Variants in PTCHD4 observed in about 807,000 individuals in gnomAD.
The protein encoded by PTCHD4 is patched domain-containing protein 4.
A neutral mutation model predicts 58.1 loss-of-function variants in PTCHD4; 33 were observed. The observed-to-expected ratio is 0.57, with a 90% CI of 0.43 to 0.76. The LOEUF is 0.76. PTCHD4 is among the 30% of genes least tolerant of loss of function. The pLI is 0.00. For synonymous variants in PTCHD4, 478 were observed against 409.6 expected (o/e 1.17, Z -2.02); for missense variants, 1,058 against 1,027.1 (o/e 1.03, Z -0.41).
At chr6:48,097,201 T>TA (rs1380886995) in intron 1 of PTCHD4, among the ~76,000 whole-genome samples, 1 of 152,092 alleles carries the variant, frequency 6.6e-6, no homozygotes, top group Non-Finnish European at 1.5e-5. Context: ...AAGCATAATT[T>TA]AAAAAATAAT....
In PTCHD4 at chr6:47,864,614, A is replaced by G. The variant is rs1763509761; in HGVS notation, c.*13689T>C. On this transcript the variant is annotated 3_prime_UTR_variant, in exon 5 of 5. Coordinates refer to ENST00000339488, the MANE Select transcript of PTCHD4 (RefSeq NM_001384253.1). The stretch of plus-strand genomic sequence containing the variant: ...CCCCATTGCATGGCACTGTGGCTCC[A>G]AGTTCCAACTCTTTTACATTTTCTC... Among the ~76,000 whole-genome samples the G allele has an allele frequency of 6.6e-6, 1 of 151,904 alleles. No homozygotes were observed.
chr6:48,082,552 A>G (rs1765186008), intron 1 of PTCHD4, among the ~76,000 whole-genome samples: 1 of 152,212 alleles, frequency 6.6e-6, no homozygotes, highest in Admixed American at 6.5e-5. Context: ...GTGATTAAAA[A>G]TAAGACTCTT....
chr6:48,047,672 G>A (rs1764084532), intron 3 of PTCHD4, among the ~76,000 whole-genome samples: 1 of 151,728 alleles, frequency 6.6e-6, no homozygotes, highest in African/African-American at 2.4e-5. Context: ...TAGGTAATCT[G>A]GGTGGAGTCC....
intron 3 of PTCHD4, among the ~76,000 whole-genome samples, chr6:48,036,138 G>T (rs551825099): frequency 6.6e-6 from 1 of 151,964 alleles, no homozygotes; most frequent in African/African-American, 2.4e-5. Flanking sequence ...CCAGGAAAAT[G>T]GCAAAAAGTT....
chr6:47,890,681 A>G (rs1215614456), intron 4 of PTCHD4, among the ~76,000 whole-genome samples: 1 of 152,012 alleles, frequency 6.6e-6, no homozygotes, highest in Admixed American at 6.6e-5. Flanking sequence ...TTGGTTACTG[A>G]TGTCTTTACT....
At chr6:48,030,375 C>A (rs1199457660) in intron 3 of PTCHD4, among the ~76,000 whole-genome samples, 1 of 152,030 alleles carries the variant, frequency 6.6e-6, no homozygotes, top group African/African-American at 2.4e-5. Context: ...TTGTTATTTA[C>A]CTGTAAACAG....
At chr6:47,921,097 ATAT>A (rs1765418583) in intron 4 of PTCHD4, among the ~76,000 whole-genome samples, 3 of 152,184 alleles carry the variant, frequency 2.0e-5, no homozygotes, top group South Asian at 4.1e-4. Flanking sequence ...TTTAAAGAAA[ATAT>A]TATTGTCACT....
intron 4 of PTCHD4, among the ~76,000 whole-genome samples, chr6:47,886,812 T>A (rs564373335): frequency 6.6e-6 from 1 of 152,322 alleles, no homozygotes; most frequent in Admixed American, 6.5e-5. Context: ...CTACTTAGCA[T>A]GTTCTCAAGC....
At chr6:47,922,779 C>G (rs1314286829) in intron 4 of PTCHD4, among the ~76,000 whole-genome samples, 1 of 152,212 alleles carries the variant, frequency 6.6e-6, no homozygotes, top group Admixed American at 6.5e-5. Context: ...TAGCTCAGAG[C>G]TCAGTCCCTT....
At chr6:47,896,026 A>G (rs1243720608) in intron 4 of PTCHD4, among the ~76,000 whole-genome samples, 2 of 152,202 alleles carry the variant, frequency 1.3e-5, no homozygotes, top group Non-Finnish European at 2.9e-5. Context: ...TTTTGAATCT[A>G]GTGCTAAGAT....
rs752591947 is a variant in PTCHD4 at position 47,879,530 on chromosome 6, C to G, written c.1305G>C (p.Thr435=). 6.2e-7 allele frequency: 1 copy of G among 1,613,730 alleles called. No homozygotes were observed. The highest frequency in any genetic ancestry group is 1.1e-5 in the South Asian group (1 of 91,076). Reference sequence around the variant, plus strand: ...GAATGAAGTGGTGCTGGTAGGGGTTCGTCTCATGATGGGACGTCTGTTGAT... The same window carrying G: ...GAATGAAGTGGTGCTGGTAGGGGTTGGTCTCATGATGGGACGTCTGTTGAT... ...DGHQQTSHHE[T]NPYQHHFIQH... The change falls in exon 5 of 5, where the codon ACG becomes ACC. Residue 435 remains threonine, a synonymous_variant. Coordinates refer to ENST00000339488, the MANE Select transcript of PTCHD4 (RefSeq NM_001384253.1).
At chr6:48,037,904 T>TAA (rs200442793) in intron 3 of PTCHD4, among the ~76,000 whole-genome samples, 31 of 93,536 alleles carry the variant, frequency 3.3e-4, no homozygotes, top group Non-Finnish European at 3.4e-4. Context: ...ATGCTAAAAG[T>TAA]AAAAAAAAAA....
At chr6:47,975,010 A>G (rs1767641265) in intron 4 of PTCHD4, among the ~76,000 whole-genome samples, 1 of 152,156 alleles carries the variant, frequency 6.6e-6, no homozygotes, top group Non-Finnish European at 1.5e-5. Flanking sequence ...AAACAAACAA[A>G]CAAACAAAAC....
chr6:47,976,937 CTG>C lies in PTCHD4; in HGVS notation c.898+31695_898+31696del, dbSNP rs1186240328. On this transcript the variant is annotated intron_variant, in intron 4 of 4. Transcript: ENST00000339488. ...TGGTGAGGGTTTGAGGAAATAGACA[CTG>C]TCATTCCCTGCTGAGAAGATAAAGT... 2.0e-5 allele frequency among the ~76,000 whole-genome samples: 3 copies of C among 152,024 alleles called. No individual in the cohort carries two copies. The East Asian group carries it at 5.8e-4, about 29-fold the overall frequency.
intron 4 of PTCHD4, among the ~76,000 whole-genome samples, chr6:47,905,043 TCA>T (rs70999653): frequency 0.021 from 2,807 of 131,630 alleles, 42 homozygotes; most frequent in African/African-American, 0.04. Context: ...AATACAGCCA[TCA>T]CACACACACA....
chr6:47,896,164 G>A (rs1004901495), intron 4 of PTCHD4, among the ~76,000 whole-genome samples: 2 of 152,186 alleles, frequency 1.3e-5, no homozygotes, highest in South Asian at 2.1e-4. Flanking sequence ...TTTACCTGCT[G>A]TGAATTGTTA....
intron 4 of PTCHD4, among the ~76,000 whole-genome samples, chr6:47,920,780 T>C (rs183408836): frequency 1.3e-5 from 2 of 152,222 alleles, no homozygotes; most frequent in Admixed American, 6.5e-5. Flanking sequence ...GATAGACATG[T>C]AGGTTTAAAA....
intron 3 of PTCHD4, among the ~76,000 whole-genome samples, chr6:48,026,074 T>C (rs1183554444): frequency 6.6e-6 from 1 of 152,164 alleles, no homozygotes; most frequent in Non-Finnish European, 1.5e-5. Flanking sequence ...CTAAGGAATT[T>C]GGCATAGTGA....
At chr6:47,907,162 A>G (rs1277221656) in intron 4 of PTCHD4, among the ~76,000 whole-genome samples, 1 of 152,154 alleles carries the variant, frequency 6.6e-6, no homozygotes, top group Non-Finnish European at 1.5e-5. Flanking sequence ...TTTGGAAATG[A>G]CTGTACTCGG....
Sources: allele counts gnomAD v4.1 joint callset (sites outside exome capture counted in the v4.1 genomes callset), GRCh38; gene constraint gnomAD v4.1.1; transcripts MANE v1.5; gene names NCBI Gene and HGNC (gene_info 2026-07-23, HGNC 2026-07-21).